The following SH3BP4 variants were observed in gnomAD, a reference collection of about 807,000 sequenced individuals.
The protein encoded by SH3BP4 is SH3 domain binding protein 4, also known as SH3 domain-binding protein 4.
In SH3BP4, 33 loss-of-function variants were observed where a neutral mutation model predicts 65.5. That is an observed-to-expected ratio of 0.50 (90% CI 0.38 to 0.67). SH3BP4 has a LOEUF of 0.67. SH3BP4 is among the 30% of genes least tolerant of loss of function. The pLI, the probability that SH3BP4 is intolerant of heterozygous loss-of-function variation, is 0.00. For synonymous variants in SH3BP4, 552 were observed against 545.5 expected (o/e 1.01, Z -0.17); for missense variants, 1,134 against 1,261.4 (o/e 0.90, Z 1.53).
intron 3 of SH3BP4, 51 bp from the exon 4 acceptor site, chr2:235,040,837 A>C: frequency 6.5e-7 from 1 of 1,527,630 alleles, no homozygotes. Context: ...AGCTCTCCGG[A>C]CACCCCGCCG....
chr2:234,971,295 C>A (rs1692993417), intron 1 of SH3BP4, among the ~76,000 whole-genome samples: 1 of 152,230 alleles, frequency 6.6e-6, no homozygotes, highest in Non-Finnish European at 1.5e-5. Flanking sequence ...AGCATAGTGT[C>A]TTCAAGGTTC....
chr2:235,041,696 G>C lies in SH3BP4; in HGVS notation c.927G>C (p.Trp309Cys). ...ACTTGCTTGGCCAAAGCCCTGGTTG[G>C]GGCCAGACCCAAGCCGTGGAGACAA... is the stretch of plus-strand genomic sequence containing the variant. Reference protein sequence around the residue: ...DLDLLGQSPGWGQTQAVETNI... With the variant: ...DLDLLGQSPGCGQTQAVETNI... The change falls in exon 4 of 6, where the codon TGG becomes TGC. Residue 309 changes from tryptophan to cysteine, a missense_variant. By Grantham distance (215) the Trp-to-Cys change is radical. Coordinates refer to ENST00000392011, the MANE Select transcript of SH3BP4 (RefSeq NM_014521.3). The surrounding 1 kb of genome is among the most constrained non-coding windows in gnomAD (Gnocchi z 6.0). 3 of 1,612,882 alleles carry C rather than the reference G, an allele frequency of 1.9e-6. No homozygotes were observed. Among genetic ancestry groups the C allele is most frequent in the Non-Finnish European group, 2.5e-6 (3 of 1,179,310 alleles).
chr2:234,997,776 G>A lies in SH3BP4; in HGVS notation c.-133+2400G>A, dbSNP rs1693968866. On this transcript the variant is annotated intron_variant, in intron 2 of 5. Coordinates refer to ENST00000392011, the MANE Select transcript of SH3BP4 (RefSeq NM_014521.3). This position sits in a 1 kb window ranked among gnomAD's most constrained non-coding sequence, Gnocchi z 4.2. ...TCACAGATGAGAAACTCATCTCAGA[G>A]TACTCAGAAACCCAGAATACTTCAT... is the stretch of plus-strand genomic sequence containing the variant. Among the ~76,000 whole-genome samples, 1 of 152,186 alleles carries A rather than the reference G, an allele frequency of 6.6e-6. No homozygotes were observed. Among genetic ancestry groups the A allele is most frequent in the African/African-American group, 2.4e-5 (1 of 41,444 alleles).
intron 1 of SH3BP4, among the ~76,000 whole-genome samples, chr2:234,983,515 G>T (rs1185339844): frequency 6.6e-6 from 1 of 152,194 alleles, no homozygotes; most frequent in Non-Finnish European, 1.5e-5. Context: ...TTTTGATACG[G>T]TGTGGTCGGC....
intron 2 of SH3BP4, among the ~76,000 whole-genome samples, chr2:235,000,283 C>G (rs546656996): frequency 2.5e-4 from 38 of 152,356 alleles, no homozygotes; most frequent in Non-Finnish European, 4.1e-4. Flanking sequence ...GGCCTCACTT[C>G]TCCTACCTGC....
chr2:234,986,531 A>G (rs538414526), intron 1 of SH3BP4, among the ~76,000 whole-genome samples: 2 of 152,296 alleles, frequency 1.3e-5, no homozygotes, highest in East Asian at 1.9e-4. Flanking sequence ...TCACTTGTCC[A>G]CGTCCTGTCT....
intron 2 of SH3BP4, among the ~76,000 whole-genome samples, chr2:235,020,511 G>A (rs1245070431): frequency 6.6e-6 from 1 of 151,926 alleles, no homozygotes; most frequent in African/African-American, 2.4e-5. Flanking sequence ...AAAAAGAGCA[G>A]AAAAAATAAG....
rs996042252 is a variant in SH3BP4, at chr2:234,976,899, T to C, written c.-206-18404T>C. On this transcript the variant is annotated intron_variant, in intron 1 of 5. Transcript: ENST00000392011. The surrounding 1 kb of genome is among the most constrained non-coding windows in gnomAD (Gnocchi z 4.7). ...ACCTAATGTCATGTGGTGATCTGGA[T>C]GGGATCCTGGAACAGAAAAAAAGGA... Among the ~76,000 whole-genome samples the C allele has an allele frequency of 1.3e-5, 2 of 152,136 alleles. No individual in the cohort carries two copies. The highest frequency in any genetic ancestry group is 1.3e-4 in the Admixed American group (2 of 15,282).
intron 2 of SH3BP4, among the ~76,000 whole-genome samples, chr2:235,020,365 C>T (rs138152097): frequency 7.1e-4 from 108 of 152,194 alleles, no homozygotes; most frequent in Non-Finnish European, 1.1e-3. Context: ...GGCGTGGTGG[C>T]GCGTGCCTGT....
intron 2 of SH3BP4, among the ~76,000 whole-genome samples, chr2:235,027,767 G>T (rs930327812): frequency 2.0e-5 from 3 of 152,212 alleles, no homozygotes; most frequent in African/African-American, 7.2e-5. Flanking sequence ...GTTCGTGGCC[G>T]CAGGAGAACG....
intron 1 of SH3BP4, among the ~76,000 whole-genome samples, chr2:234,966,827 G>A (rs1037320625): frequency 1.3e-5 from 2 of 152,156 alleles, no homozygotes; most frequent in African/African-American, 2.4e-5. Context: ...TAATGTGAAC[G>A]TTGCCTGTCT....
Position 235,001,767 on chromosome 2 carries a change from C to T in SH3BP4, c.-133+6391C>T, listed in dbSNP as rs201996998. 5.4e-4 allele frequency among the ~76,000 whole-genome samples: 83 copies of T among 152,296 alleles called. No individual in the cohort carries two copies. In the East Asian group the frequency reaches 0.012, roughly 22 times the overall value. ...GAGAGATGAGTTCTCACGGACCGTT[C>T]GGGCAACTTGGTGTTCCGGCCTGGA... On this transcript the variant is annotated intron_variant, in intron 2 of 5. Transcript: ENST00000392011.
intron 1 of SH3BP4, among the ~76,000 whole-genome samples, chr2:234,964,441 A>G (rs1470811125): frequency 6.6e-6 from 1 of 152,184 alleles, no homozygotes; most frequent in Non-Finnish European, 1.5e-5. Context: ...AGCCCACCAG[A>G]TGCAGCGTCT....
chr2:235,008,923 A>C (rs994215434), intron 2 of SH3BP4, among the ~76,000 whole-genome samples: 2 of 152,164 alleles, frequency 1.3e-5, no homozygotes, highest in Non-Finnish European at 2.9e-5. Flanking sequence ...TGTAAGCTCT[A>C]CCACACCAGC....
chr2:235,021,450 C>T (rs1407772345), intron 2 of SH3BP4, among the ~76,000 whole-genome samples: 1 of 150,032 alleles, frequency 6.7e-6, no homozygotes, highest in Non-Finnish European at 1.5e-5. Context: ...CCTGTCTCTA[C>T]TAAAAAAAAA....
chr2:235,039,235 C>G (rs1695555105), intron 3 of SH3BP4, among the ~76,000 whole-genome samples: 1 of 152,166 alleles, frequency 6.6e-6, no homozygotes, highest in Admixed American at 6.5e-5. Context: ...ATGCTCCCAG[C>G]TAAGCGCATC....
rs556110568 is a variant in SH3BP4 at position 234,977,827 on chromosome 2, A to G, written c.-206-17476A>G. 6.6e-6 allele frequency among the ~76,000 whole-genome samples: 1 copy of G among 152,306 alleles called. No individual in the cohort carries two copies. The highest frequency in any genetic ancestry group is 2.1e-4 in the South Asian group (1 of 4,824). On this transcript the variant is annotated intron_variant, in intron 1 of 5. Coordinates refer to ENST00000392011, the MANE Select transcript of SH3BP4 (RefSeq NM_014521.3). The surrounding 1 kb of genome is among the most constrained non-coding windows in gnomAD (Gnocchi z 5.1). ...TGGGCACACACACACATGCGTGCAC[A>G]CACACGCAGACCCTGAGACCCTGCA...
chr2:234,961,320 G>A (rs1001141850), intron 1 of SH3BP4, among the ~76,000 whole-genome samples: 5 of 152,192 alleles, frequency 3.3e-5, no homozygotes, highest in Non-Finnish European at 7.3e-5. Flanking sequence ...CGCCCAGGCT[G>A]GAGTGCAGTG....
chr2:235,041,878 G>A lies in SH3BP4; in HGVS notation c.1109G>A (p.Arg370Lys). Residue 370 changes from arginine (R) to lysine (K), a missense_variant, in exon 4 of 6, where the codon AGG becomes AAG. Arg to Lys is a conservative substitution (Grantham distance 26, BLOSUM62 2). Coordinates refer to ENST00000392011, the MANE Select transcript of SH3BP4 (RefSeq NM_014521.3). This position sits in a 1 kb window ranked among gnomAD's most constrained non-coding sequence, Gnocchi z 6.0. ...LDPPLELNSD[R>K]SCSISPVLEV... The stretch of plus-strand genomic sequence containing the variant: ...CCCCCGCTGGAGCTCAACAGTGACA[G>A]GTCCTGCAGCATCAGCCCTGTGCTG... 9 of 1,612,094 alleles carry A rather than the reference G, an allele frequency of 5.6e-6. No homozygotes were observed. Among genetic ancestry groups the A allele is most frequent in the South Asian group, 1.1e-5 (1 of 90,996 alleles).
Sources: gnomAD v4.1 joint callset for allele counts (sites outside exome capture counted in the v4.1 genomes callset) on GRCh38, gnomAD v4.1.1 for gene constraint, Gnocchi (gnomAD v3.1) non-coding constraint, MANE v1.5 for transcripts, NCBI Gene and HGNC (gene_info 2026-07-23, HGNC 2026-07-21) for gene names.